The following C8orf34 variants were observed in gnomAD, a reference collection of about 807,000 sequenced individuals.
The protein encoded by C8orf34 is chromosome 8 open reading frame 34.
A neutral mutation model predicts 68.3 loss-of-function variants in C8orf34; 65 were observed. The ratio of observed to expected loss-of-function variants is 0.95; its 90% CI spans 0.78 to 1.17. The LOEUF (loss-of-function observed/expected upper bound fraction) is 1.17, where lower values mean the gene tolerates loss of function less well. Ranked by LOEUF, C8orf34 falls within the 50% of genes most tolerant of loss-of-function variation. The probability of loss-of-function intolerance (pLI) is 0.00; values close to 1 mark genes in which losing one functional copy is unlikely to be tolerated. For missense variants in C8orf34, 664 were observed against 655.4 expected (o/e 1.01, Z -0.14); for synonymous variants, 244 against 241.2 (o/e 1.01, Z -0.11).
chr8:68,464,597 C>T (rs1186778051), intron 3 of C8orf34, among the ~76,000 whole-genome samples: 1 of 152,104 alleles, frequency 6.6e-6, no homozygotes, highest in African/African-American at 2.4e-5. Flanking sequence ...GGTACCAAAA[C>T]AGAGATATTG....
At position 68,766,057 on chromosome 8, in the gene C8orf34, G is replaced by A. The variant is rs778108107; in HGVS notation, c.1405-10342G>A. ...GACACATCTTAAAAGAAACAAACAC[G>A]TAATTACTTGTGTCCATGCATCAGT... On this transcript the variant is annotated intron_variant, in intron 10 of 13. Transcript: ENST00000518698. Among the ~76,000 whole-genome samples, 64 of 152,212 alleles carry A rather than the reference G, an allele frequency of 4.2e-4. 1 individual carries two copies. The highest frequency in any genetic ancestry group is 7.4e-4 in the Non-Finnish European group (50 of 68,012).
At chr8:68,666,895 T>C (rs1819859395) in intron 8 of C8orf34, among the ~76,000 whole-genome samples, 1 of 152,212 alleles carries the variant, frequency 6.6e-6, no homozygotes, top group Non-Finnish European at 1.5e-5. Context: ...CATTAATATT[T>C]TCTTATCATC....
At position 68,525,423 on chromosome 8, in the gene C8orf34, T is replaced by C. The variant is rs114182675; in HGVS notation, c.938+3452T>C. 2.6e-3 allele frequency: 1,071 copies of C among 410,184 alleles called. 14 individuals are homozygous for C. The highest frequency in any genetic ancestry group is 0.02 in the African/African-American group (958 of 48,774). The allele number at this position is 410,184 out of a possible 1,614,324, so 25.4% of individuals were successfully genotyped here. Reference sequence around the variant, plus strand: ...AAATTATACCTCATAACTTATAAATTTCTTAATTTCTTTTTTAGTACAAGT... The same window carrying C: ...AAATTATACCTCATAACTTATAAATCTCTTAATTTCTTTTTTAGTACAAGT... On this transcript the variant is annotated intron_variant, in intron 6 of 13. Transcript: ENST00000518698.
chr8:68,473,189 A>G (rs1015104787), intron 4 of C8orf34, among the ~76,000 whole-genome samples: 2 of 152,118 alleles, frequency 1.3e-5, no homozygotes, highest in Non-Finnish European at 2.9e-5. Flanking sequence ...AAAGAAAGAA[A>G]AAGGAGAACA....
intron 9 of C8orf34, among the ~76,000 whole-genome samples, chr8:68,714,650 C>G (rs937848180): frequency 1.3e-5 from 2 of 152,198 alleles, no homozygotes; most frequent in African/African-American, 4.8e-5. Context: ...GAAACACTTT[C>G]CATATTCATG....
chr8:68,550,316 G>T (rs1048847096), intron 7 of C8orf34, among the ~76,000 whole-genome samples: 2 of 151,580 alleles, frequency 1.3e-5, no homozygotes, highest in African/African-American at 4.8e-5. Flanking sequence ...GCTATTCCAA[G>T]TCCATGTTTA....
intron 8 of C8orf34, among the ~76,000 whole-genome samples, chr8:68,654,718 C>G (rs1213202373): frequency 6.6e-6 from 1 of 152,050 alleles, no homozygotes; most frequent in Non-Finnish European, 1.5e-5. Flanking sequence ...AAAGGAAATA[C>G]CTCAACTTCT....
intron 7 of C8orf34, among the ~76,000 whole-genome samples, chr8:68,617,717 AT>A (rs1185742520): frequency 2.0e-5 from 3 of 151,856 alleles, no homozygotes; most frequent in Non-Finnish European, 4.4e-5. Context: ...TGCCCTTAAC[AT>A]TTTTTCCTTC....
At chr8:68,498,888 T>C (rs898851874) in intron 5 of C8orf34, among the ~76,000 whole-genome samples, 1 of 152,208 alleles carries the variant, frequency 6.6e-6, no homozygotes, top group Non-Finnish European at 1.5e-5. Flanking sequence ...TGGCTGAATC[T>C]GGGACTGTAC....
chr8:68,552,938 A>G (rs1179101376), intron 7 of C8orf34, among the ~76,000 whole-genome samples: 2 of 151,886 alleles, frequency 1.3e-5, no homozygotes, highest in Non-Finnish European at 2.9e-5. Flanking sequence ...AATTCCTTTT[A>G]TATGTTGCTG....
chr8:68,595,634 G>A (rs1469078513), intron 7 of C8orf34, among the ~76,000 whole-genome samples: 1 of 151,902 alleles, frequency 6.6e-6, no homozygotes, highest in African/African-American at 2.4e-5. Flanking sequence ...GTATGTTTAA[G>A]GGATATTTCA....
chr8:68,483,880 T>G (rs923750708), intron 4 of C8orf34, among the ~76,000 whole-genome samples: 1 of 152,214 alleles, frequency 6.6e-6, no homozygotes, highest in Non-Finnish European at 1.5e-5. Flanking sequence ...CTGAAAGAAC[T>G]AATTTTTCCC....
intron 7 of C8orf34, among the ~76,000 whole-genome samples, chr8:68,638,173 A>G (rs1818901622): frequency 6.6e-6 from 1 of 152,134 alleles, no homozygotes; most frequent in Admixed American, 6.5e-5. Flanking sequence ...TCAGCTGTCT[A>G]CTCTGAAGAT....
intron 4 of C8orf34, among the ~76,000 whole-genome samples, chr8:68,485,961 A>AG (rs1458845644): frequency 1.3e-5 from 2 of 151,814 alleles, no homozygotes; most frequent in African/African-American, 2.4e-5. Flanking sequence ...TTGGAAAGGA[A>AG]CTTTTTTTGT....
At chr8:68,487,389 A>G (rs986397341) in intron 4 of C8orf34, among the ~76,000 whole-genome samples, 2 of 152,206 alleles carry the variant, frequency 1.3e-5, no homozygotes, top group Admixed American at 1.3e-4. Flanking sequence ...AACTTTTTAC[A>G]TTGCTGACTT....
intron 10 of C8orf34, among the ~76,000 whole-genome samples, chr8:68,747,429 A>T (rs927524736): frequency 6.7e-6 from 1 of 148,374 alleles, no homozygotes; most frequent in Middle Eastern, 3.4e-3. Flanking sequence ...CAAATAGGAA[A>T]AGAGGAAGTC....
At chr8:68,806,320 AT>A (rs1824483267) in intron 12 of C8orf34, among the ~76,000 whole-genome samples, 1 of 152,054 alleles carries the variant, frequency 6.6e-6, no homozygotes, top group East Asian at 1.9e-4. Context: ...TTCTGCCTAA[AT>A]AAAAAAAAAG....
rs189949180 is a variant in C8orf34 at position 68,354,081 on chromosome 8, G to A, written c.327+22742G>A. ...AGTTGTTTATAGTGTTTACTCATAC[G>A]TAAGGAGAGAGAGGAGTAGTCAGAG... is the stretch of plus-strand genomic sequence containing the variant. On this transcript the variant is annotated intron_variant, in intron 1 of 13. Transcript: ENST00000518698. 3.2e-3 allele frequency among the ~76,000 whole-genome samples: 486 copies of A among 152,134 alleles called. 4 individuals are homozygous for A. Among genetic ancestry groups the A allele is most frequent in the African/African-American group, 0.011 (459 of 41,510 alleles).
chr8:68,679,870 T>C (rs1820314467), intron 8 of C8orf34, among the ~76,000 whole-genome samples: 1 of 152,178 alleles, frequency 6.6e-6, no homozygotes, highest in African/African-American at 2.4e-5. Flanking sequence ...GAAAACTGGA[T>C]ATCTACATTC....
Sources: gnomAD v4.1 joint callset for allele counts (sites outside exome capture counted in the v4.1 genomes callset) on GRCh38, gnomAD v4.1.1 for gene constraint, MANE v1.5 for transcripts, NCBI Gene and HGNC (gene_info 2026-07-23, HGNC 2026-07-21) for gene names.